SGCZ: variants seen among roughly 807,000 people sequenced by gnomAD.
SGCZ encodes sarcoglycan zeta.
In SGCZ, 40 loss-of-function variants were observed where a neutral mutation model predicts 41.3. The observed-to-expected ratio is 0.97, with a 90% confidence interval of 0.75 to 1.26. SGCZ has a LOEUF of 1.26. Ranked by LOEUF, SGCZ falls within the 50% of genes most tolerant of loss-of-function variation. The probability of loss-of-function intolerance (pLI) is 0.00; values close to 1 mark genes in which losing one functional copy is unlikely to be tolerated. For missense variants in SGCZ, 552 were observed against 369.8 expected (o/e 1.49, Z -4.04); for synonymous variants, 206 against 137.5 (o/e 1.50, Z -3.49).
At chr8:14,949,884 T>G (rs1383341307) in intron 1 of SGCZ, among the ~76,000 whole-genome samples, 1 of 152,090 alleles carries the variant, frequency 6.6e-6, no homozygotes, top group Non-Finnish European at 1.5e-5. Context: ...TAAAAGAGTT[T>G]GGCAAAAGAT....
intron 1 of SGCZ, among the ~76,000 whole-genome samples, chr8:15,120,656 T>C (rs991150743): frequency 1.3e-5 from 2 of 152,232 alleles, no homozygotes; most frequent in Admixed American, 6.5e-5. Context: ...GGTTCCATTA[T>C]GCCCCCTGAG....
intron 1 of SGCZ, among the ~76,000 whole-genome samples, chr8:14,715,432 C>T (rs1809656050): frequency 6.6e-6 from 1 of 152,086 alleles, no homozygotes; most frequent in Admixed American, 6.6e-5. Flanking sequence ...ACAAAGGTAT[C>T]TGCCCACCTA....
At chr8:14,359,737 A>G (rs1803434679) in intron 2 of SGCZ, among the ~76,000 whole-genome samples, 1 of 152,074 alleles carries the variant, frequency 6.6e-6, no homozygotes, top group South Asian at 2.1e-4. Flanking sequence ...CTATTCCAAA[A>G]AAACAGAGGA....
chr8:14,447,708 T>C (rs1003876829), intron 2 of SGCZ, among the ~76,000 whole-genome samples: 3 of 152,276 alleles, frequency 2.0e-5, no homozygotes. Flanking sequence ...AATGACAGTA[T>C]TTGGTACTGC....
At chr8:14,125,503 C>CAACAAA (rs1802824702) in intron 5 of SGCZ, among the ~76,000 whole-genome samples, 1 of 118,454 alleles carries the variant, frequency 8.4e-6, no homozygotes, top group African/African-American at 2.9e-5. Context: ...GATTCCGTCT[C>CAACAAA]AAAAAAAAAA....
At chr8:14,221,130 T>G (rs1475442350) in intron 4 of SGCZ, among the ~76,000 whole-genome samples, 1 of 152,206 alleles carries the variant, frequency 6.6e-6, no homozygotes, top group African/African-American at 2.4e-5. Flanking sequence ...CTCCTACATA[T>G]TCAAAATGTA....
chr8:14,390,273 T>C (rs1804721880), intron 2 of SGCZ, among the ~76,000 whole-genome samples: 1 of 151,996 alleles, frequency 6.6e-6, no homozygotes, highest in African/African-American at 2.4e-5. Context: ...CATGTTCTCA[T>C]TAAAATTTGT....
chr8:14,934,508 T>C (rs558685469), intron 1 of SGCZ, among the ~76,000 whole-genome samples: 32 of 151,780 alleles, frequency 2.1e-4, no homozygotes, highest in South Asian at 1.0e-3. Flanking sequence ...GATGAAGATA[T>C]AATTAGCCAT....
intron 3 of SGCZ, among the ~76,000 whole-genome samples, chr8:14,275,423 C>T (rs751625406): frequency 1.3e-5 from 2 of 152,128 alleles, no homozygotes; most frequent in Non-Finnish European, 2.9e-5. Context: ...AGGCTTCGAA[C>T]AGCCCCTCCT....
intron 1 of SGCZ, among the ~76,000 whole-genome samples, chr8:14,593,977 G>A (rs1192811926): frequency 4.6e-5 from 7 of 151,810 alleles, no homozygotes; most frequent in Non-Finnish European, 1.0e-4. Flanking sequence ...GAGTTCGAGA[G>A]CAGTCTGGCC....
intron 1 of SGCZ, among the ~76,000 whole-genome samples, chr8:14,559,953 G>A (rs1325462259): frequency 1.3e-5 from 2 of 152,076 alleles, no homozygotes; most frequent in African/African-American, 2.4e-5. Context: ...TGTAACATAA[G>A]TGTTATAACA....
intron 1 of SGCZ, among the ~76,000 whole-genome samples, chr8:14,963,954 G>A (rs1801049515): frequency 6.6e-6 from 1 of 151,818 alleles, no homozygotes; most frequent in Non-Finnish European, 1.5e-5. Context: ...GTTTAATATA[G>A]CCCTCAAATG....
chr8:14,791,145 A>G (rs942502156), intron 1 of SGCZ, among the ~76,000 whole-genome samples: 3 of 152,104 alleles, frequency 2.0e-5, no homozygotes, highest in African/African-American at 4.8e-5. Flanking sequence ...TTAATATTCT[A>G]TACTTCCTAT....
chr8:14,257,623 C>G (rs1025502139), intron 3 of SGCZ, among the ~76,000 whole-genome samples: 1 of 135,408 alleles, frequency 7.4e-6, no homozygotes, highest in African/African-American at 2.6e-5. Context: ...CTAATGCTAT[C>G]CCTCCCTCCT....
intron 1 of SGCZ, among the ~76,000 whole-genome samples, chr8:14,744,239 G>C (rs1282183360): frequency 2.6e-5 from 4 of 152,164 alleles, no homozygotes; most frequent in Admixed American, 6.6e-5. Flanking sequence ...AGCCTGCTGA[G>C]CTACGTGCAC....
At chr8:14,864,843 G>T (rs1430277930) in intron 1 of SGCZ, among the ~76,000 whole-genome samples, 1 of 151,808 alleles carries the variant, frequency 6.6e-6, no homozygotes, top group African/African-American at 2.4e-5. Context: ...TGTTATTTTT[G>T]GTCTTTTTCA....
At chr8:15,018,633 AC>A (rs1165425330) in intron 1 of SGCZ, among the ~76,000 whole-genome samples, 1 of 152,170 alleles carries the variant, frequency 6.6e-6, no homozygotes, top group Non-Finnish European at 1.5e-5. Context: ...GAATGCAGGG[AC>A]AGAGGGGAGA....
chr8:14,302,738 G>A (rs534418777), intron 3 of SGCZ, among the ~76,000 whole-genome samples: 1 of 152,202 alleles, frequency 6.6e-6, no homozygotes, highest in East Asian at 1.9e-4. Context: ...ATTTTATAAG[G>A]AAGTACACAG....
At chr8:15,017,460 AG>A (rs1306887446) in intron 1 of SGCZ, among the ~76,000 whole-genome samples, 9 of 152,224 alleles carry the variant, frequency 5.9e-5, no homozygotes, top group African/African-American at 2.2e-4. Flanking sequence ...TCTAGTTGTT[AG>A]GCACCTAAAT....
Sources: gnomAD v4.1 joint callset for allele counts (sites outside exome capture counted in the v4.1 genomes callset) on GRCh38, gnomAD v4.1.1 for gene constraint, MANE v1.5 for transcripts, NCBI Gene and HGNC (gene_info 2026-07-23, HGNC 2026-07-21) for gene names.